RCAN2: variants seen among roughly 807,000 people sequenced by gnomAD.
RCAN2 encodes the protein regulator of calcineurin 2.
In RCAN2, 9 loss-of-function variants were observed where a neutral mutation model predicts 23.6. That is an observed-to-expected ratio of 0.38 (90% CI 0.23 to 0.67). The LOEUF (loss-of-function observed/expected upper bound fraction) is 0.67. RCAN2 is among the 30% of genes least tolerant of loss of function. The probability of loss-of-function intolerance (pLI) is 0.51; values close to 1 mark genes in which losing one functional copy is unlikely to be tolerated. For synonymous variants in RCAN2, 109 were observed against 115.7 expected, an observed-to-expected ratio of 0.94 and a Z score of 0.37; for missense variants, 273 against 302.3, an observed-to-expected ratio of 0.90 and a Z score of 0.72.
intron 2 of RCAN2, among the ~76,000 whole-genome samples, chr6:46,271,593 C>T (rs1378123664): frequency 6.6e-6 from 1 of 152,158 alleles, no homozygotes; most frequent in African/African-American, 2.4e-5. Context: ...AGTACCTAAT[C>T]CCACCACATT....
chr6:46,337,168 A>G (rs1377755338), intron 2 of RCAN2, among the ~76,000 whole-genome samples: 2 of 152,162 alleles, frequency 1.3e-5, no homozygotes, highest in Admixed American at 6.5e-5. Context: ...AAAAGCAAAA[A>G]AAATTAAAAA....
intron 2 of RCAN2, among the ~76,000 whole-genome samples, chr6:46,339,932 C>T (rs914300348): frequency 2.6e-5 from 4 of 152,096 alleles, no homozygotes; most frequent in Non-Finnish European, 5.9e-5. Context: ...ATGTATATGA[C>T]TTTCACATAC....
At chr6:46,264,071 C>CCGGTGTT (rs966640010) in intron 2 of RCAN2, among the ~76,000 whole-genome samples, 1 of 152,140 alleles carries the variant, frequency 6.6e-6, no homozygotes, top group Admixed American at 6.6e-5. Context: ...AGAATGCTAC[C>CCGGTGTT]CGGTGTTGTA....
chr6:46,377,485 A>G lies in RCAN2; in HGVS notation c.225+79267T>C, dbSNP rs370695798. On this transcript the variant is annotated intron_variant, in intron 2 of 4. Coordinates refer to ENST00000371374, the MANE Select transcript of RCAN2 (RefSeq NM_001251974.2). ...CGTAGCCCCAAGTAAAAAACTAAAGAGACTTGGTGTACAGCGTTATTTATC... is the reference window on the plus strand; with the variant it reads ...CGTAGCCCCAAGTAAAAAACTAAAGGGACTTGGTGTACAGCGTTATTTATC... 3.3e-5 allele frequency among the ~76,000 whole-genome samples: 5 copies of G among 152,192 alleles called. No individual in the cohort carries two copies. In the South Asian group the frequency reaches 1.0e-3, roughly 32 times the overall value.
intron 2 of RCAN2, among the ~76,000 whole-genome samples, chr6:46,255,607 G>A (rs899483189): frequency 1.3e-5 from 2 of 152,152 alleles, no homozygotes; most frequent in Non-Finnish European, 2.9e-5. Flanking sequence ...ACAGGGTGAG[G>A]ATGATGGGAA....
rs2150299907 is a variant in RCAN2, at chr6:46,221,648, T to G, written c.*1493A>C. The stretch of plus-strand genomic sequence containing the variant: ...ATCAGTCTATGTTTTAAGTTTCTGA[T>G]GAAACTAACATACACCTTAGTCAAA... On this transcript the variant is annotated 3_prime_UTR_variant, in exon 5 of 5. Transcript: ENST00000371374. 1 of 328,938 alleles carries G rather than the reference T, an allele frequency of 3.0e-6. No individual in the cohort carries two copies. Among genetic ancestry groups the G allele is most frequent in the East Asian group, 4.7e-5 (1 of 21,440 alleles). The allele number at this position is 328,938 out of a possible 1,614,324, so 20.4% of individuals were successfully genotyped here. A position where few individuals can be genotyped will look rare whatever the true frequency, so the allele number is the denominator to read the frequency against.
chr6:46,460,411 C>G (rs1042402145), intron 1 of RCAN2, among the ~76,000 whole-genome samples: 1 of 152,100 alleles, frequency 6.6e-6, no homozygotes, highest in African/African-American at 2.4e-5. Context: ...TGTAAGAAAC[C>G]TTTGAGGCAA....
At chr6:46,354,252 T>C (rs1263938823) in intron 2 of RCAN2, among the ~76,000 whole-genome samples, 1 of 133,330 alleles carries the variant, frequency 7.5e-6, no homozygotes, top group Non-Finnish European at 1.6e-5. Flanking sequence ...TGTGTGTGTG[T>C]GTGTAGAATC....
intron 2 of RCAN2, among the ~76,000 whole-genome samples, chr6:46,450,532 T>C (rs1183075659): frequency 6.6e-6 from 1 of 152,104 alleles, no homozygotes; most frequent in Non-Finnish European, 1.5e-5. Context: ...TGCCAAGATA[T>C]GGACTTAACC....
At chr6:46,381,158 C>A (rs140688855) in intron 2 of RCAN2, among the ~76,000 whole-genome samples, 2 of 152,188 alleles carry the variant, frequency 1.3e-5, no homozygotes, top group African/African-American at 4.8e-5. Context: ...ATTCCCTCCC[C>A]CATCTCATTT....
At chr6:46,402,966 A>ATT (rs58163048) in intron 2 of RCAN2, among the ~76,000 whole-genome samples, 203 of 143,432 alleles carry the variant, frequency 1.4e-3, no homozygotes, top group African/African-American at 4.7e-3. Flanking sequence ...CTACATTTGA[A>ATT]TTTTTTTTTT....
At chr6:46,475,148 G>T (rs1280540702) in intron 1 of RCAN2, among the ~76,000 whole-genome samples, 3 of 152,150 alleles carry the variant, frequency 2.0e-5, no homozygotes, top group Non-Finnish European at 4.4e-5. Context: ...TTAGGTTGGA[G>T]GTGAGGTCCT....
chr6:46,417,357 C>T (rs2150410599), intron 2 of RCAN2, among the ~76,000 whole-genome samples: 1 of 152,288 alleles, frequency 6.6e-6, no homozygotes. Context: ...AAAGAGCTCT[C>T]ACGTAAGATT....
intron 2 of RCAN2, among the ~76,000 whole-genome samples, chr6:46,381,566 T>C (rs1260112239): frequency 1.3e-5 from 2 of 152,212 alleles, no homozygotes; most frequent in Admixed American, 1.3e-4. Flanking sequence ...GTAATCCTAC[T>C]AGGCGTTCTC....
chr6:46,382,220 T>C lies in RCAN2; in HGVS notation c.225+74532A>G, dbSNP rs982252384. On this transcript the variant is annotated intron_variant, in intron 2 of 4. Coordinates refer to ENST00000371374, the MANE Select transcript of RCAN2 (RefSeq NM_001251974.2). ...TGCTATGATTTGCACACCTATACAATGGGAATACTAATAGTTCTTTTCTCA... is the reference window on the plus strand; with the variant it reads ...TGCTATGATTTGCACACCTATACAACGGGAATACTAATAGTTCTTTTCTCA... 1.1e-4 allele frequency among the ~76,000 whole-genome samples: 16 copies of C among 152,198 alleles called. 1 individual carries two copies. Among genetic ancestry groups the C allele is most frequent in the Admixed American group, 2.6e-4 (4 of 15,280 alleles).
At chr6:46,307,355 G>A (rs1475278017) in intron 2 of RCAN2, among the ~76,000 whole-genome samples, 1 of 152,098 alleles carries the variant, frequency 6.6e-6, no homozygotes, top group Non-Finnish European at 1.5e-5. Context: ...TCAAAGATCA[G>A]CTAAGCCTCT....
chr6:46,313,730 G>A (rs1228938992), intron 2 of RCAN2, among the ~76,000 whole-genome samples: 1 of 152,140 alleles, frequency 6.6e-6, no homozygotes, highest in Non-Finnish European at 1.5e-5. Context: ...CTTCTAACCA[G>A]AATTTCTCAT....
intron 2 of RCAN2, among the ~76,000 whole-genome samples, chr6:46,406,887 C>A (rs1044559495): frequency 9.2e-5 from 14 of 152,168 alleles, no homozygotes; most frequent in Non-Finnish European, 1.3e-4. Flanking sequence ...ATAAAAATTA[C>A]AATATTTCAG....
chr6:46,357,529 G>A (rs1021390915), intron 2 of RCAN2, among the ~76,000 whole-genome samples: 2 of 152,296 alleles, frequency 1.3e-5, no homozygotes, highest in East Asian at 3.9e-4. Context: ...AAGGAAATGT[G>A]CAATGGTAAT....
Sources: gnomAD v4.1 joint callset for allele counts (sites outside exome capture counted in the v4.1 genomes callset) on GRCh38, gnomAD v4.1.1 for gene constraint, MANE v1.5 for transcripts, NCBI Gene and HGNC (gene_info 2026-07-23, HGNC 2026-07-21) for gene names.